ANKS1A: variants seen among roughly 807,000 people sequenced by gnomAD.
ANKS1A encodes ankyrin repeat and SAM domain-containing protein 1A.
Under a neutral mutation model 120.3 loss-of-function variants are expected in ANKS1A, and 55 were observed. That is an observed-to-expected ratio of 0.46 (90% CI 0.37 to 0.57). ANKS1A has a LOEUF of 0.57. Ranked by LOEUF, ANKS1A falls within the 20% of genes least tolerant of loss-of-function variation. ANKS1A has a pLI of 0.00. For missense variants in ANKS1A, 1,123 were observed against 1,480.3 expected, an observed-to-expected ratio of 0.76 and a Z score of 3.96; for synonymous variants, 590 against 604.7, an observed-to-expected ratio of 0.98 and a Z score of 0.36.
At chr6:34,974,265 G>C (rs1437491743) in intron 3 of ANKS1A, among the ~76,000 whole-genome samples, 91 of 2,672 alleles carry the variant, frequency 0.034, no homozygotes, top group Admixed American at 0.042. Context: ...CTTCCCCTTC[G>C]CTTCCCCTTC....
chr6:35,043,531 A>G (rs762542447), intron 11 of ANKS1A, among the ~76,000 whole-genome samples: 1 of 152,182 alleles, frequency 6.6e-6, no homozygotes, highest in Admixed American at 6.5e-5. Context: ...TTCTGCAGTC[A>G]TAGCGGCTAT....
Position 35,088,950 on chromosome 6 carries a change from C to T in ANKS1A, c.*341C>T. ...GGCTCAAACCTCTAGGTCATACTGC[C>T]AATCTTTAGACAAATGGCCATGGGG... On this transcript the variant is annotated 3_prime_UTR_variant, in exon 24 of 24. Transcript: ENST00000360359. 1 of 1,266,664 alleles carries T rather than the reference C, an allele frequency of 7.9e-7. No individual in the cohort carries two copies. The highest frequency in any genetic ancestry group is 1.0e-6 in the Non-Finnish European group (1 of 995,566). 78.5% of individuals were successfully genotyped at this position (1,266,664 alleles called of 1,614,324 possible). A position where few individuals can be genotyped will look rare whatever the true frequency, so the allele number is the denominator to read the frequency against.
Position 35,082,677 on chromosome 6 carries a change from C to T in ANKS1A, c.2710-14C>T, listed in dbSNP as rs1561966312. ...GGAGCAAGGAGCAGGTGTCCAATTG[C>T]GTGTGTTTCGCAGGAGGAGCACCGT... On this transcript the variant is annotated splice_polypyrimidine_tract_variant and intron_variant, in intron 17 of 23. Coordinates refer to ENST00000360359, the MANE Select transcript of ANKS1A (RefSeq NM_015245.3). This position sits in a 1 kb window ranked among gnomAD's most constrained non-coding sequence, Gnocchi z 4.1. 11 of 1,603,010 alleles carry T rather than the reference C, an allele frequency of 6.9e-6. No homozygotes were observed. The highest frequency in any genetic ancestry group is 5.6e-5 in the South Asian group (5 of 89,662).
chr6:34,976,812 TTG>T (rs1771623946), intron 3 of ANKS1A, among the ~76,000 whole-genome samples: 1 of 151,928 alleles, frequency 6.6e-6, no homozygotes, highest in Non-Finnish European at 1.5e-5. Flanking sequence ...GCAATAATTG[TTG>T]TCACTGATGA....
Position 34,983,318 on chromosome 6 carries a change from A to T in ANKS1A, c.911-6A>T, listed in dbSNP as rs1250586389. On this transcript the variant is annotated splice_region_variant and splice_polypyrimidine_tract_variant and intron_variant, in intron 6 of 23. Transcript: ENST00000360359. The stretch of plus-strand genomic sequence containing the variant: ...TTTATTTTTATTTTTTGATCTTTCC[A>T]TGTAGATCACATGACTGGAAAAAGA... The T allele has an allele frequency of 1.2e-6, 2 of 1,613,658 alleles. No homozygotes were observed. Among genetic ancestry groups the T allele is most frequent in the East Asian group, 4.5e-5 (2 of 44,878 alleles).
Position 35,088,972 on chromosome 6 carries a change from G to A in ANKS1A, c.*363G>A. 1 of 1,220,392 alleles carries A rather than the reference G, an allele frequency of 8.2e-7. No individual in the cohort carries two copies. The highest frequency in any genetic ancestry group is 1.8e-5 in the South Asian group (1 of 55,384). 75.6% of individuals were successfully genotyped at this position (1,220,392 alleles called of 1,614,324 possible). A position where few individuals can be genotyped will look rare whatever the true frequency, so the allele number is the denominator to read the frequency against. On this transcript the variant is annotated 3_prime_UTR_variant, in exon 24 of 24. Coordinates refer to ENST00000360359, the MANE Select transcript of ANKS1A (RefSeq NM_015245.3). ...TGCCAATCTTTAGACAAATGGCCAT[G>A]GGGCAGAGGACAGGGGAGCTGAGGT... is the stretch of plus-strand genomic sequence containing the variant.
At chr6:35,088,472 G>A in intron 23 of ANKS1A, 134 bp from the exon 24 acceptor site, 1 of 1,146,466 alleles carries the variant, frequency 8.7e-7, no homozygotes, top group Non-Finnish European at 1.3e-6. Context: ...GGTGCTCAAA[G>A]CAGGCATGGA....
In ANKS1A at chr6:35,085,974, G is replaced by T. The variant is rs1249898169; in HGVS notation, c.3303+38G>T. On this transcript the variant is annotated intron_variant, in intron 22 of 23. Coordinates refer to ENST00000360359, the MANE Select transcript of ANKS1A (RefSeq NM_015245.3). This position sits in a 1 kb window ranked among gnomAD's most constrained non-coding sequence, Gnocchi z 4.7. ...CACTGGCCAAGATCCCCCTCTCCCT[G>T]GCCCCAGGGATTCAAGGGCTCAGGG... 3.9e-6 allele frequency: 6 copies of T among 1,554,534 alleles called. No individual in the cohort carries two copies. Among genetic ancestry groups the T allele is most frequent in the Non-Finnish European group, 5.2e-6 (6 of 1,155,364 alleles).
chr6:34,946,385 C>G (rs1211413114), intron 1 of ANKS1A, among the ~76,000 whole-genome samples: 1 of 151,822 alleles, frequency 6.6e-6, no homozygotes, highest in Non-Finnish European at 1.5e-5. Context: ...GTTAGGAGTT[C>G]AAGACCAGCC....
rs369217836 is a variant in ANKS1A at position 34,961,210 on chromosome 6, TAC to T, written c.198-6027_198-6026del. 5.9e-5 allele frequency among the ~76,000 whole-genome samples: 9 copies of T among 152,344 alleles called. No homozygotes were observed. The East Asian group carries it at 1.7e-3, about 29-fold the overall frequency. On this transcript the variant is annotated intron_variant, in intron 1 of 23. Transcript: ENST00000360359. The stretch of plus-strand genomic sequence containing the variant: ...TGTCGGTGAGCAGCCCTTTGGTGCT[TAC>T]AGTTTTAGAAAACCTAATAGGACAG...
At chr6:34,951,247 T>A (rs1770079578) in intron 1 of ANKS1A, among the ~76,000 whole-genome samples, 1 of 152,026 alleles carries the variant, frequency 6.6e-6, no homozygotes, top group South Asian at 2.1e-4. Context: ...ATATTTTATA[T>A]TTTAAATTAT....
chr6:35,090,081 T>C lies in ANKS1A; in HGVS notation c.*1472T>C, dbSNP rs1581772643. On this transcript the variant is annotated 3_prime_UTR_variant, in exon 24 of 24. Transcript: ENST00000360359. The stretch of plus-strand genomic sequence containing the variant: ...TCTCTGACTGGCTAGAGGCCAGGCC[T>C]TGTGGGTTTCTATCTGCTAAGCACC... 2.3e-6 allele frequency: 3 copies of C among 1,284,078 alleles called. No individual in the cohort carries two copies. The highest frequency in any genetic ancestry group is 3.0e-6 in the Non-Finnish European group (3 of 985,544). 79.5% of individuals were successfully genotyped at this position (1,284,078 alleles called of 1,614,324 possible).
At chr6:35,038,698 C>T (rs1398562501) in intron 11 of ANKS1A, among the ~76,000 whole-genome samples, 1 of 152,028 alleles carries the variant, frequency 6.6e-6, no homozygotes, top group Non-Finnish European at 1.5e-5. Flanking sequence ...ATTGCCCAGG[C>T]TGGTCTTGAA....
intron 1 of ANKS1A, among the ~76,000 whole-genome samples, chr6:34,919,481 C>G (rs9394257): frequency 0.08 from 12,188 of 152,232 alleles, 681 homozygotes; most frequent in East Asian, 0.33. Context: ...TTCCCTTGAA[C>G]CTGGGCCCTA....
chr6:35,026,270 C>G (rs989268190), intron 11 of ANKS1A, among the ~76,000 whole-genome samples: 2 of 151,990 alleles, frequency 1.3e-5, no homozygotes, highest in Non-Finnish European at 2.9e-5. Flanking sequence ...GCAATTGTGT[C>G]TAAGAACAAG....
intron 1 of ANKS1A, among the ~76,000 whole-genome samples, chr6:34,962,183 T>C (rs1474130871): frequency 6.6e-6 from 1 of 152,214 alleles, no homozygotes; most frequent in Non-Finnish European, 1.5e-5. Flanking sequence ...GTTAAAGAGA[T>C]TTAATTGCAT....
intron 13 of ANKS1A, among the ~76,000 whole-genome samples, chr6:35,066,632 T>A (rs1455888552): frequency 6.6e-6 from 1 of 152,082 alleles, no homozygotes; most frequent in Non-Finnish European, 1.5e-5. Context: ...TGAGAGCCCT[T>A]CCCATGACGT....
intron 1 of ANKS1A, among the ~76,000 whole-genome samples, chr6:34,935,231 C>T (rs895374267): frequency 7.9e-5 from 12 of 152,212 alleles, no homozygotes; most frequent in African/African-American, 2.9e-4. Context: ...GGACTACAGG[C>T]ATGCATTGCC....
At chr6:34,918,433 A>G (rs888138113) in intron 1 of ANKS1A, among the ~76,000 whole-genome samples, 2 of 152,228 alleles carry the variant, frequency 1.3e-5, no homozygotes, top group African/African-American at 4.8e-5. Context: ...AAGATGTTCC[A>G]AACAGCACCT....
Sources: allele counts gnomAD v4.1 joint callset (sites outside exome capture counted in the v4.1 genomes callset), GRCh38; gene constraint gnomAD v4.1.1; non-coding constraint Gnocchi (gnomAD v3.1); transcripts MANE v1.5; gene names NCBI Gene and HGNC (gene_info 2026-07-23, HGNC 2026-07-21).